Variants in RGP1 observed in about 807,000 individuals in gnomAD.
The protein encoded by RGP1 is RAB6A-GEF complex partner protein 2.
A neutral mutation model predicts 44.5 loss-of-function variants in RGP1; 28 were observed. The observed-to-expected ratio is 0.63, with a 90% CI of 0.47 to 0.86. The LOEUF (loss-of-function observed/expected upper bound fraction) is 0.86. RGP1 is among the 40% of genes least tolerant of loss of function. The pLI is 0.00. For missense variants in RGP1, 417 were observed against 490.7 expected, an observed-to-expected ratio of 0.85 and a Z score of 1.42; for synonymous variants, 212 against 196.7, an observed-to-expected ratio of 1.08 and a Z score of -0.65.
At position 35,749,673 on chromosome 9, in the gene RGP1, G is replaced by A; in HGVS notation, c.-19-64G>A. On this transcript the variant is annotated intron_variant, in intron 1 of 8. Coordinates refer to ENST00000378078, the MANE Select transcript of RGP1 (RefSeq NM_001080496.3). This position sits in a 1 kb window ranked among gnomAD's most constrained non-coding sequence, Gnocchi z 4.4. Reference sequence around the variant, plus strand: ...CCCTGTCCTCAGCCCTCAGCCCTAGGTGCTCACCGCAACGCCCCTCCCTGT... The same window carrying A: ...CCCTGTCCTCAGCCCTCAGCCCTAGATGCTCACCGCAACGCCCCTCCCTGT... The A allele has an allele frequency of 2.1e-6, 2 of 957,732 alleles. No individual in the cohort carries two copies. The highest frequency in any genetic ancestry group is 3.3e-6 in the Non-Finnish European group (2 of 601,138). The allele number at this position is 957,732 out of a possible 1,614,324, so 59.3% of individuals were successfully genotyped here.
chr9:35,782,660 G>A, the RGP1 span, among the ~76,000 whole-genome samples: 1 of 152,074 alleles, frequency 6.6e-6, no homozygotes, highest in Non-Finnish European at 1.5e-5. Context: ...TGGTCAGGCT[G>A]GTCTCAAACT....
At position 35,755,628 on chromosome 9, in the gene RGP1, C is replaced by T. The variant is rs149985201; in HGVS notation, c.*2754C>T. The T allele has an allele frequency of 4.9e-4, 75 of 152,314 alleles. No homozygotes were observed. The highest frequency in any genetic ancestry group is 3.4e-3 in the Middle Eastern group (1 of 296). 9.4% of individuals were successfully genotyped at this position (152,314 alleles called of 1,614,324 possible). A position where few individuals can be genotyped will look rare whatever the true frequency, so the allele number is the denominator to read the frequency against. ...CATAAGGAGTGTGCAATCTAGATCC[C>T]TTGCATGCGGAGTTCACAGTGGGGT... On this transcript the variant is annotated 3_prime_UTR_variant, in exon 9 of 9. Transcript: ENST00000378078.
At chr9:35,750,082 C>T (rs1248846150) in intron 2 of RGP1, among the ~76,000 whole-genome samples, 161 bp from the exon 3 acceptor site, 1 of 152,244 alleles carries the variant, frequency 6.6e-6, no homozygotes, top group African/African-American at 2.4e-5. Context: ...TACGCACAGT[C>T]TGCTACTCTT....
chr9:35,753,365 T>TC lies in RGP1; in HGVS notation c.*497dup. On this transcript the variant is annotated 3_prime_UTR_variant, in exon 9 of 9. Coordinates refer to ENST00000378078, the MANE Select transcript of RGP1 (RefSeq NM_001080496.3). The surrounding 1 kb of genome is among the most constrained non-coding windows in gnomAD (Gnocchi z 4.2). Reference sequence around the variant, plus strand: ...CCACATGTTCCCTCTCTCACAGTTTTCCCCCCACAGAGCCCCTTTCAGTGG... The same window carrying TC: ...CCACATGTTCCCTCTCTCACAGTTTTCCCCCCCACAGAGCCCCTTTCAGTGG... The TC allele has an allele frequency of 2.7e-6, 4 of 1,469,700 alleles. No homozygotes were observed. Among genetic ancestry groups the TC allele is most frequent in the Admixed American group, 1.9e-5 (1 of 52,302 alleles). The allele number at this position is 1,469,700 out of a possible 1,614,324, so 91.0% of individuals were successfully genotyped here. A position where few individuals can be genotyped will look rare whatever the true frequency, so the allele number is the denominator to read the frequency against.
rs1438081963 is a variant in RGP1, at chr9:35,753,755, A to G, written c.*881A>G. On this transcript the variant is annotated 3_prime_UTR_variant, in exon 9 of 9. Coordinates refer to ENST00000378078, the MANE Select transcript of RGP1 (RefSeq NM_001080496.3). The surrounding 1 kb of genome is among the most constrained non-coding windows in gnomAD (Gnocchi z 4.2). ...CACCCAGGGTAAAATATTTCCCCTCATAGTGACAGGGGGCTAGGGAAGAAC... is the reference window on the plus strand; with the variant it reads ...CACCCAGGGTAAAATATTTCCCCTCGTAGTGACAGGGGGCTAGGGAAGAAC... 3 of 1,613,500 alleles carry G rather than the reference A, an allele frequency of 1.9e-6. No homozygotes were observed. The highest frequency in any genetic ancestry group is 1.7e-6 in the Non-Finnish European group (2 of 1,179,528).
Position 35,750,962 on chromosome 9 carries a change from G to A in RGP1, c.460G>A (p.Val154Ile). Residue 154 changes from valine (V) to isoleucine (I), a missense_variant, in exon 5 of 9, where the codon GTC (valine) becomes ATC (isoleucine). Coordinates refer to ENST00000378078, the MANE Select transcript of RGP1 (RefSeq NM_001080496.3). ...CAACTCCCCTATCACTTTACTCAGAGTCCCTCTGAGGGTTCTTGTGCTGAC... is the reference window on the plus strand; with the variant it reads ...CAACTCCCCTATCACTTTACTCAGAATCCCTCTGAGGGTTCTTGTGCTGAC... ...RVNSPITLLR[V>I]PLRVLVLTGL... 1 of 1,613,938 alleles carries A rather than the reference G, an allele frequency of 6.2e-7. No individual in the cohort carries two copies. The highest frequency in any genetic ancestry group is 8.5e-7 in the Non-Finnish European group (1 of 1,179,894).
At chr9:35,770,323 A>T in the RGP1 span, among the ~76,000 whole-genome samples, 1 of 152,174 alleles carries the variant, frequency 6.6e-6, no homozygotes, top group Non-Finnish European at 1.5e-5. Context: ...TTGGAGGAAA[A>T]TCATGTGTCT....
At chr9:35,780,325 G>A in the RGP1 span, 1 of 152,182 alleles carries the variant, frequency 6.6e-6, no homozygotes, top group Non-Finnish European at 1.5e-5. Flanking sequence ...GGAGTTTTAA[G>A]CCATATCGGA....
At position 35,751,147 on chromosome 9, in the gene RGP1, TA is replaced by T. The variant is rs1477037118; in HGVS notation, c.488-116del. The T allele has an allele frequency of 4.8e-6, 7 of 1,461,234 alleles. No individual in the cohort carries two copies. The African/African-American group carries it at 8.4e-5, about 18-fold the overall frequency. 90.5% of individuals were successfully genotyped at this position (1,461,234 alleles called of 1,614,324 possible). On this transcript the variant is annotated intron_variant, in intron 5 of 8. Coordinates refer to ENST00000378078, the MANE Select transcript of RGP1 (RefSeq NM_001080496.3). Reference sequence around the variant, plus strand: ...AGGGAGGGTTCTGGAGATAGAGATGTAAACCTCAGCCCTGGCACCCCTTACC... The same window carrying T: ...AGGGAGGGTTCTGGAGATAGAGATGTAACCTCAGCCCTGGCACCCCTTACC...
the RGP1 span, among the ~76,000 whole-genome samples, chr9:35,765,884 G>T: frequency 6.7e-6 from 1 of 149,230 alleles, no homozygotes; most frequent in South Asian, 2.1e-4. Context: ...GCCCAGGCTG[G>T]AGTGCAGTGG....
At chr9:35,760,103 C>A (rs765543140), downstream of RGP1, among the ~76,000 whole-genome samples, 5 of 151,948 alleles carry the variant, frequency 3.3e-5, no homozygotes, top group Admixed American at 1.3e-4. Flanking sequence ...ATTGTCAGTT[C>A]TAATCTTCTC....
At chr9:35,774,743 A>C in the RGP1 span, among the ~76,000 whole-genome samples, 6 of 152,246 alleles carry the variant, frequency 3.9e-5, no homozygotes, top group East Asian at 3.9e-4. Context: ...ACAAAAAAAA[A>C]CATGGAAATA....
In RGP1 at chr9:35,752,965, A is replaced by C. The variant is rs1002022904; in HGVS notation, c.*91A>C. The C allele has an allele frequency of 1.6e-5, 24 of 1,530,782 alleles. No homozygotes were observed. The highest frequency in any genetic ancestry group is 5.9e-5 in the South Asian group (5 of 85,400). The allele number at this position is 1,530,782 out of a possible 1,614,324, so 94.8% of individuals were successfully genotyped here. On this transcript the variant is annotated 3_prime_UTR_variant, in exon 9 of 9. Transcript: ENST00000378078. ...ACCCACTTTTTCCACCTGGGGTCCA[A>C]TGTCGTGGACAGTGAGAGTCGGGCT...
chr9:35,782,479 C>A, the RGP1 span, among the ~76,000 whole-genome samples: 1 of 152,226 alleles, frequency 6.6e-6, no homozygotes, highest in Non-Finnish European at 1.5e-5. Context: ...CGGAGTCTCG[C>A]TCTGTTGCCC....
At chr9:35,769,443 C>T in the RGP1 span, among the ~76,000 whole-genome samples, 1 of 152,098 alleles carries the variant, frequency 6.6e-6, no homozygotes, top group Non-Finnish European at 1.5e-5. Context: ...GCACTGAGGA[C>T]ACAGTATTTT....
downstream of RGP1, among the ~76,000 whole-genome samples, chr9:35,762,937 G>C (rs1287317637): frequency 6.8e-6 from 1 of 147,486 alleles, no homozygotes; most frequent in Non-Finnish European, 1.5e-5. Flanking sequence ...AGATACGGAA[G>C]AAGTGTCTTG....
Position 35,751,986 on chromosome 9 carries a change from G to A in RGP1, c.793G>A (p.Val265Ile). ...AGTCAGCTTACAGACCGAGGAGCGT[G>A]TACAGCCTGAGTACCAGCGGCGACG... ...FSVSLQTEER[V>I]QPEYQRRRGA... The change falls in exon 8 of 9, where the codon GTA becomes ATA. Residue 265 changes from valine (V) to isoleucine (I), a missense_variant. Physicochemically the swap from Val to Ile is conservative, Grantham distance 29 (BLOSUM62 3). Transcript: ENST00000378078. 6.3e-7 allele frequency: 1 copy of A among 1,594,484 alleles called. No homozygotes were observed. The highest frequency in any genetic ancestry group is 8.5e-7 in the Non-Finnish European group (1 of 1,170,442).
In RGP1 at chr9:35,749,500, G is replaced by A. The variant is rs1237069181; in HGVS notation, c.-20+92G>A. ...TTGGGAACTCCGCGGGGGTGCCCAG[G>A]GAGAAGAACCCGTCGCACAGGGGCT... is the stretch of plus-strand genomic sequence containing the variant. On this transcript the variant is annotated intron_variant, in intron 1 of 8. Transcript: ENST00000378078. The surrounding 1 kb of genome is among the most constrained non-coding windows in gnomAD (Gnocchi z 4.4). 1.5e-6 allele frequency: 1 copy of A among 669,196 alleles called. No homozygotes were observed. Among genetic ancestry groups the A allele is most frequent in the Non-Finnish European group, 2.8e-6 (1 of 352,924 alleles). 41.5% of individuals were successfully genotyped at this position (669,196 alleles called of 1,614,324 possible).
intron 7 of RGP1, 34 bp from the exon 8 acceptor site, chr9:35,751,922 T>C (rs1208436850): frequency 6.4e-7 from 1 of 1,559,496 alleles, no homozygotes; most frequent in Non-Finnish European, 8.7e-7. Context: ...CAGACAGCAC[T>C]TCCTGTTAGC....
Sources: allele counts gnomAD v4.1 joint callset (sites outside exome capture counted in the v4.1 genomes callset), GRCh38; gene constraint gnomAD v4.1.1; non-coding constraint Gnocchi (gnomAD v3.1); transcripts MANE v1.5; gene names NCBI Gene and HGNC (gene_info 2026-07-23, HGNC 2026-07-21).